The following THSD7A variants were observed in gnomAD, a reference collection of about 807,000 sequenced individuals.
THSD7A encodes the protein thrombospondin type 1 domain containing 7A, also known as thrombospondin type-1 domain-containing protein 7A.
A neutral mutation model predicts 231.3 loss-of-function variants in THSD7A; 96 were observed. That is an observed-to-expected ratio of 0.41 (90% confidence interval 0.35 to 0.49). THSD7A has a LOEUF of 0.49. Among genes scored for constraint, THSD7A ranks in the 20% least tolerant of loss-of-function variants. The pLI is 0.05. For synonymous variants in THSD7A, 940 were observed against 743.3 expected (o/e 1.26, Z -4.30); for missense variants, 2,290 against 2,070.2 (o/e 1.11, Z -2.06).
chr7:11,505,222 A>T (rs1176963446), intron 6 of THSD7A, among the ~76,000 whole-genome samples: 1 of 152,210 alleles, frequency 6.6e-6, no homozygotes, highest in Non-Finnish European at 1.5e-5. Flanking sequence ...TTCTTTGATA[A>T]AAGAAAATAA....
chr7:11,778,286 T>TA (rs1171588835), intron 1 of THSD7A, among the ~76,000 whole-genome samples: 5 of 24,990 alleles, frequency 2.0e-4, no homozygotes, highest in Non-Finnish European at 2.9e-4. Context: ...TTCTAAATGA[T>TA]AAAAAAATGA....
At position 11,713,169 on chromosome 7, in the gene THSD7A, C is replaced by T. The variant is rs114631499; in HGVS notation, c.191-76208G>A. Among the ~76,000 whole-genome samples, 1,436 of 151,342 alleles carry T rather than the reference C, an allele frequency of 9.5e-3. 28 individuals carry two copies. Among genetic ancestry groups the T allele is most frequent in the African/African-American group, 0.033 (1,364 of 41,424 alleles). On this transcript the variant is annotated intron_variant, in intron 1 of 27. Transcript: ENST00000423059. ...TTCTGCATAGCACATTGCTGCCAAA[C>T]CAGTTAGCAGCCAGATAAAGAGATG... is the stretch of plus-strand genomic sequence containing the variant.
chr7:11,650,327 C>T (rs552375911), intron 1 of THSD7A, among the ~76,000 whole-genome samples: 77 of 152,082 alleles, frequency 5.1e-4, no homozygotes, highest in African/African-American at 1.8e-3. Flanking sequence ...TTTGATGCAA[C>T]AATAATTTCT....
At chr7:11,735,770 G>C (rs190745436) in intron 1 of THSD7A, among the ~76,000 whole-genome samples, 1 of 151,912 alleles carries the variant, frequency 6.6e-6, no homozygotes, top group African/African-American at 2.4e-5. Context: ...TTCATAATTG[G>C]GTAGATAATG....
At chr7:11,692,088 G>A (rs1562480635) in intron 1 of THSD7A, among the ~76,000 whole-genome samples, 1 of 151,392 alleles carries the variant, frequency 6.6e-6, no homozygotes, top group African/African-American at 2.4e-5. Context: ...GCTTGTGTAG[G>A]GTGAGATGGA....
At position 11,731,249 on chromosome 7, in the gene THSD7A, T is replaced by C. The variant is rs140184440; in HGVS notation, c.191-94288A>G. On this transcript the variant is annotated intron_variant, in intron 1 of 27. Coordinates refer to ENST00000423059, the MANE Select transcript of THSD7A (RefSeq NM_015204.3). ...TTGATTATTTTACTCTTTATTTTCT[T>C]AACTTTCATAATCATAAGCTTTTTC... Among the ~76,000 whole-genome samples, 507 of 151,728 alleles carry C rather than the reference T, an allele frequency of 3.3e-3. 3 individuals carry two copies. Among genetic ancestry groups the C allele is most frequent in the Middle Eastern group, 0.01 (3 of 294 alleles).
intron 1 of THSD7A, among the ~76,000 whole-genome samples, chr7:11,692,709 G>A (rs1584221630): frequency 6.6e-6 from 1 of 151,436 alleles, no homozygotes; most frequent in South Asian, 2.1e-4. Flanking sequence ...AAGACAACAA[G>A]ATTTCCTAAT....
Position 11,677,576 on chromosome 7 carries a change from ATGGAAAGC to A in THSD7A, c.191-40623_191-40616del, listed in dbSNP as rs1289274336. ...GGATGGAAGAAGATTGACCAAGCAA[ATGGAAAGC>A]AAAAAAAAAAAAAAAAAAAAAAAAA... On this transcript the variant is annotated intron_variant, in intron 1 of 27. Coordinates refer to ENST00000423059, the MANE Select transcript of THSD7A (RefSeq NM_015204.3). Among the ~76,000 whole-genome samples the A allele has an allele frequency of 2.2e-3, 282 of 129,980 alleles. 4 individuals are homozygous for A. Among genetic ancestry groups the A allele is most frequent in the African/African-American group, 8.6e-3 (270 of 31,384 alleles). The allele number at this position is 129,980 out of a possible 152,430, so 85.3% of individuals were successfully genotyped here. A position where few individuals can be genotyped will look rare whatever the true frequency, so the allele number is the denominator to read the frequency against.
chr7:11,791,856 T>C (rs1021376463), intron 1 of THSD7A, among the ~76,000 whole-genome samples: 30 of 152,004 alleles, frequency 2.0e-4, no homozygotes, highest in Admixed American at 8.5e-4. Context: ...TCTTTTTTGC[T>C]GCCGCCTCTT....
At chr7:11,420,382 G>A (rs1784103781) in intron 16 of THSD7A, among the ~76,000 whole-genome samples, 1 of 152,190 alleles carries the variant, frequency 6.6e-6, no homozygotes, top group Non-Finnish European at 1.5e-5. Flanking sequence ...GGTTAAAAGG[G>A]GCCAAGGTAC....
At chr7:11,791,194 A>G (rs1475185914) in intron 1 of THSD7A, among the ~76,000 whole-genome samples, 2 of 152,002 alleles carry the variant, frequency 1.3e-5, no homozygotes, top group African/African-American at 4.8e-5. Flanking sequence ...TAGTCAATAC[A>G]TAAACGTAAT....
At chr7:11,489,993 C>T (rs1583838596) in intron 6 of THSD7A, among the ~76,000 whole-genome samples, 2 of 152,122 alleles carry the variant, frequency 1.3e-5, no homozygotes, top group East Asian at 3.9e-4. Context: ...ATTTTCAAAA[C>T]CCTTTTTATT....
At chr7:11,815,273 C>T (rs1029611410) in intron 1 of THSD7A, among the ~76,000 whole-genome samples, 2 of 151,388 alleles carry the variant, frequency 1.3e-5, no homozygotes, top group Non-Finnish European at 2.9e-5. Flanking sequence ...TTTAGTTGAA[C>T]CTTGTCTCTG....
chr7:11,780,487 A>T (rs182984860), intron 1 of THSD7A, among the ~76,000 whole-genome samples: 22 of 152,228 alleles, frequency 1.4e-4, no homozygotes, highest in African/African-American at 5.1e-4. Context: ...CTATACAGAG[A>T]TCCATGTGAC....
intron 1 of THSD7A, among the ~76,000 whole-genome samples, chr7:11,736,924 T>C (rs1439765680): frequency 6.6e-6 from 1 of 151,978 alleles, no homozygotes; most frequent in East Asian, 1.9e-4. Context: ...CTTGTGAAAA[T>C]GAGTAAATTC....
chr7:11,657,979 A>G (rs567941507), intron 1 of THSD7A, among the ~76,000 whole-genome samples: 1 of 151,854 alleles, frequency 6.6e-6, no homozygotes, highest in Admixed American at 6.6e-5. Flanking sequence ...GGTCAAGGTT[A>G]TAGAACACTC....
At chr7:11,568,402 G>T (rs535884331) in intron 4 of THSD7A, among the ~76,000 whole-genome samples, 2 of 152,060 alleles carry the variant, frequency 1.3e-5, no homozygotes, top group South Asian at 4.2e-4. Context: ...GAGGCAGGCG[G>T]ATCACGAGGT....
At chr7:11,830,707 G>A (rs1045435910) in intron 1 of THSD7A, among the ~76,000 whole-genome samples, 12 of 152,180 alleles carry the variant, frequency 7.9e-5, no homozygotes, top group Non-Finnish European at 1.6e-4. Flanking sequence ...CAATTGTAGA[G>A]TAGACTGAGC....
chr7:11,612,464 G>T (rs1167276175), intron 2 of THSD7A, among the ~76,000 whole-genome samples: 1 of 152,170 alleles, frequency 6.6e-6, no homozygotes, highest in Non-Finnish European at 1.5e-5. Flanking sequence ...AAGTAGGTAT[G>T]ACAGTCAAAA....
Sources: gnomAD v4.1 joint callset for allele counts (sites outside exome capture counted in the v4.1 genomes callset) on GRCh38, gnomAD v4.1.1 for gene constraint, MANE v1.5 for transcripts, NCBI Gene and HGNC (gene_info 2026-07-23, HGNC 2026-07-21) for gene names.